Variants in IRF4 observed in about 807,000 individuals in gnomAD.
The protein encoded by IRF4 is interferon regulatory factor 4, also known as lymphocyte-specific interferon regulatory factor.
In IRF4, 13 loss-of-function variants were observed where a neutral mutation model predicts 55.5. The ratio of observed to expected loss-of-function variants is 0.23; its 90% CI spans 0.15 to 0.37. IRF4 has a LOEUF of 0.37. IRF4 is among the 10% of genes least tolerant of loss of function. The probability of loss-of-function intolerance (pLI) is 1.00; values close to 1 mark genes in which losing one functional copy is unlikely to be tolerated. For synonymous variants in IRF4, 249 were observed against 240.7 expected, an observed-to-expected ratio of 1.03 and a Z score of -0.32; for missense variants, 397 against 593.8, an observed-to-expected ratio of 0.67 and a Z score of 3.44.
intron 3 of IRF4, among the ~76,000 whole-genome samples, chr6:395,330 T>C (rs1167805746): frequency 6.6e-6 from 1 of 152,154 alleles, no homozygotes; most frequent in Non-Finnish European, 1.5e-5. Flanking sequence ...AATTTACTTA[T>C]CTAATAGTCT....
intron 1 of IRF4, among the ~76,000 whole-genome samples, chr6:392,523 C>T (rs755678714): frequency 6.6e-5 from 10 of 152,256 alleles, no homozygotes; most frequent in Non-Finnish European, 1.5e-4. Flanking sequence ...CCACTTAGTG[C>T]GCGCTAGCTG....
At chr6:399,021 CT>C in intron 6 of IRF4, 86 bp downstream of exon 6, 2 of 828,810 alleles carry the variant, frequency 2.4e-6, no homozygotes, top group Non-Finnish European at 3.8e-6. Flanking sequence ...TTCGATGGGA[CT>C]TTAGACACTT....
intron 8 of IRF4, chr6:406,897 T>C: frequency 9.2e-7 from 1 of 1,082,664 alleles, no homozygotes; most frequent in Non-Finnish European, 1.1e-6. Flanking sequence ...TTTTTGTTTT[T>C]TGGTGAGTGT....
At chr6:396,586 ACCCCCGTCTCG>A (rs1761265744) in intron 4 of IRF4, among the ~76,000 whole-genome samples, 1 of 140,370 alleles carries the variant, frequency 7.1e-6, no homozygotes. Flanking sequence ...GCACTCCTTT[ACCCCCGTCTCG>A]ATGCCAGTGC....
At chr6:407,054 T>C (rs1761565246) in intron 8 of IRF4, among the ~76,000 whole-genome samples, 1 of 152,240 alleles carries the variant, frequency 6.6e-6, no homozygotes, top group Non-Finnish European at 1.5e-5. Flanking sequence ...AATCAAATCA[T>C]TCAGGATGAG....
At chr6:397,744 G>C (rs1366497091) in intron 5 of IRF4, among the ~76,000 whole-genome samples, 2 of 152,218 alleles carry the variant, frequency 1.3e-5, no homozygotes, top group Admixed American at 6.5e-5. Context: ...AGAAAGACTT[G>C]CTGATTGTGG....
intron 4 of IRF4, among the ~76,000 whole-genome samples, chr6:396,340 T>G (rs1761258228): frequency 6.6e-6 from 1 of 152,246 alleles, no homozygotes; most frequent in African/African-American, 2.4e-5. Context: ...CTGTGGTACT[T>G]TTGGTGCCAG....
intron 5 of IRF4, 82 bp downstream of exon 5, chr6:397,334 G>T: frequency 6.6e-7 from 1 of 1,512,028 alleles, no homozygotes; most frequent in Non-Finnish European, 9.0e-7. Flanking sequence ...GTCTGTCCTG[G>T]GCAGCACCAA....
chr6:398,814 A>G lies in IRF4; in HGVS notation c.638-14A>G. On this transcript the variant is annotated splice_polypyrimidine_tract_variant and intron_variant, in intron 5 of 8. Transcript: ENST00000380956. The stretch of plus-strand genomic sequence containing the variant: ...TCTGTCTAGACATCATCTGATTTTT[A>G]TTTGCAAATGCAGGTTGCCAGGTGA... 6.2e-7 allele frequency: 1 copy of G among 1,600,474 alleles called. No individual in the cohort carries two copies. Among genetic ancestry groups the G allele is most frequent in the Non-Finnish European group, 8.6e-7 (1 of 1,168,176 alleles).
chr6:407,720 C>A lies in IRF4; in HGVS notation c.*122C>A. Reference sequence around the variant, plus strand: ...GTGACACAATCTCAGCTCACTGTGACCTCCGCCTCCTGGGTTCAAGAGACT... The same window carrying A: ...GTGACACAATCTCAGCTCACTGTGAACTCCGCCTCCTGGGTTCAAGAGACT... On this transcript the variant is annotated 3_prime_UTR_variant, in exon 9 of 9. Transcript: ENST00000380956. 1.1e-6 allele frequency: 1 copy of A among 892,066 alleles called. No individual in the cohort carries two copies. Among genetic ancestry groups the A allele is most frequent in the South Asian group, 1.7e-5 (1 of 59,812 alleles). 55.3% of individuals were successfully genotyped at this position (892,066 alleles called of 1,614,324 possible).
intron 8 of IRF4, among the ~76,000 whole-genome samples, chr6:406,037 T>C (rs1352818473): frequency 1.3e-5 from 2 of 152,210 alleles, no homozygotes; most frequent in Admixed American, 6.5e-5. Flanking sequence ...CATGGTTTAA[T>C]CTTGAACATA....
Position 393,710 on chromosome 6 carries a change from CG to C in IRF4, c.216+345del. Among the ~76,000 whole-genome samples the C allele has an allele frequency of 6.6e-6, 1 of 152,340 alleles. No individual in the cohort carries two copies. The highest frequency in any genetic ancestry group is 3.4e-3 in the Middle Eastern group (1 of 294). ...CCACGCAAGCCTCCCGCCCTTCCTC[CG>C]GGCTCCCGTCTGCCGCCTCCGTCCG... On this transcript the variant is annotated intron_variant, in intron 2 of 8. Coordinates refer to ENST00000380956, the MANE Select transcript of IRF4 (RefSeq NM_002460.4). The surrounding 1 kb of genome is among the most constrained non-coding windows in gnomAD (Gnocchi z 5.4).
At position 401,789 on chromosome 6, in the gene IRF4, C is replaced by T. The variant is rs377665462; in HGVS notation, c.1099+12C>T. 8.9e-5 allele frequency: 143 copies of T among 1,611,482 alleles called. No homozygotes were observed. Among genetic ancestry groups the T allele is most frequent in the Admixed American group, 2.3e-4 (14 of 59,966 alleles). ...GCAGTTCTTGTCAGGTAAGGCACCT[C>T]GTTATCTGTTAGAATGGAGGTGGTG... On this transcript the variant is annotated intron_variant, in intron 7 of 8. Transcript: ENST00000380956.
intron 8 of IRF4, 79 bp from the exon 9 acceptor site, chr6:407,376 C>T: frequency 7.6e-7 from 1 of 1,314,780 alleles, no homozygotes; most frequent in Non-Finnish European, 1.1e-6. Context: ...TTACTGTCTC[C>T]TTAGAATCTG....
chr6:402,262 G>C (rs1181599054), intron 7 of IRF4, among the ~76,000 whole-genome samples: 3 of 152,182 alleles, frequency 2.0e-5, no homozygotes, highest in Non-Finnish European at 2.9e-5. Context: ...CTATAAGTTG[G>C]CTCTGTGATA....
intron 6 of IRF4, among the ~76,000 whole-genome samples, chr6:400,011 G>A (rs886095566): frequency 6.6e-6 from 1 of 152,110 alleles, no homozygotes; most frequent in Admixed American, 6.5e-5. Context: ...CGGCAACCTC[G>A]TGATTTCTGA....
intron 7 of IRF4, among the ~76,000 whole-genome samples, chr6:402,890 G>A (rs1401693305): frequency 6.6e-6 from 1 of 152,194 alleles, no homozygotes; most frequent in Non-Finnish European, 1.5e-5. Flanking sequence ...AAATTAGCTG[G>A]GCGTGATGGT....
chr6:404,786 C>G (rs974573756), intron 7 of IRF4, among the ~76,000 whole-genome samples: 5 of 152,238 alleles, frequency 3.3e-5, no homozygotes, highest in African/African-American at 1.2e-4. Flanking sequence ...CGACTAGTTC[C>G]TCTTGAAGAA....
At chr6:397,371 G>T (rs754186544) in intron 5 of IRF4, 119 bp downstream of exon 5, 5 of 1,236,202 alleles carry the variant, frequency 4.0e-6, no homozygotes, top group Middle Eastern at 2.0e-4. Context: ...TAGAGGCTGC[G>T]TGTGCAGCTC....
Sources: allele counts gnomAD v4.1 joint callset (sites outside exome capture counted in the v4.1 genomes callset), GRCh38; gene constraint gnomAD v4.1.1; non-coding constraint Gnocchi (gnomAD v3.1); transcripts MANE v1.5; gene names NCBI Gene and HGNC (gene_info 2026-07-23, HGNC 2026-07-21).